G2E3: variants seen among roughly 807,000 people sequenced by gnomAD.
The protein encoded by G2E3 is G2/M phase-specific E3 ubiquitin-protein ligase.
G2E3 carries 35 observed loss-of-function variants against 92.8 expected under a neutral mutation model. The observed-to-expected ratio is 0.38, with a 90% confidence interval of 0.29 to 0.50. G2E3 has a LOEUF of 0.50. Among genes scored for constraint, G2E3 ranks in the 20% least tolerant of loss-of-function variants. The pLI is 0.94. For missense variants in G2E3, 554 were observed against 823.8 expected, an observed-to-expected ratio of 0.67 and a Z score of 4.01; for synonymous variants, 242 against 272.4, an observed-to-expected ratio of 0.89 and a Z score of 1.10.
intron 6 of G2E3, among the ~76,000 whole-genome samples, chr14:30,595,971 T>C (rs1290622400): frequency 1.3e-5 from 2 of 152,150 alleles, no homozygotes; most frequent in Admixed American, 6.5e-5. Flanking sequence ...ATGTGTCTTA[T>C]CCTGTTTTTT....
rs747068253 is a variant in G2E3 at position 30,616,563 on chromosome 14, T to C, written c.*29T>C. The C allele has an allele frequency of 3.3e-6, 5 of 1,509,524 alleles. No individual in the cohort carries two copies. The Admixed American group carries it at 8.5e-5, about 26-fold the overall frequency. 93.5% of individuals were successfully genotyped at this position (1,509,524 alleles called of 1,614,324 possible). ...GTTTCCTTGAACAAAGAGAAGCTTC[T>C]TTAAAAGCTGCTATTGATAACTCTC... On this transcript the variant is annotated 3_prime_UTR_variant, in exon 15 of 15. Coordinates refer to ENST00000206595, the MANE Select transcript of G2E3 (RefSeq NM_017769.5).
In G2E3 at chr14:30,619,149, A is replaced by G. The variant is rs891820459; in HGVS notation, c.*2615A>G. The G allele has an allele frequency of 3.9e-5, 6 of 152,118 alleles. No individual in the cohort carries two copies. The highest frequency in any genetic ancestry group is 7.2e-5 in the African/African-American group (3 of 41,464). The allele number at this position is 152,118 out of a possible 1,614,324, so 9.4% of individuals were successfully genotyped here. A position where few individuals can be genotyped will look rare whatever the true frequency, so the allele number is the denominator to read the frequency against. ...TATCTCACCAGAAACTTACAATTTTATACTTTGTAATTTTTAGTTTCTGTA... is the reference window on the plus strand; with the variant it reads ...TATCTCACCAGAAACTTACAATTTTGTACTTTGTAATTTTTAGTTTCTGTA... On this transcript the variant is annotated 3_prime_UTR_variant, in exon 15 of 15. Coordinates refer to ENST00000206595, the MANE Select transcript of G2E3 (RefSeq NM_017769.5).
intron 1 of G2E3, among the ~76,000 whole-genome samples, chr14:30,567,865 T>C (rs1397861726): frequency 1.3e-5 from 2 of 152,100 alleles, no homozygotes; most frequent in East Asian, 3.8e-4. Context: ...TTTCCTTTTA[T>C]TGATTTCTAG....
In G2E3 at chr14:30,602,021, A is replaced by T; in HGVS notation, c.900A>T (p.Lys300Asn). 5 of 1,611,584 alleles carry T rather than the reference A, an allele frequency of 3.1e-6. No homozygotes were observed. Among genetic ancestry groups the T allele is most frequent in the Non-Finnish European group, 2.5e-6 (3 of 1,178,648 alleles). ...TAGGAGAGTTCCAAAAAGCCAAAAA[A>T]CATGTATTACCCAATTCTAATAATG... ...YNSGEFQKAK[K>N]HVLPNSNNVG... The change falls in exon 10 of 15, where the codon AAA becomes AAT. Residue 300 changes from lysine (K) to asparagine (N), a missense_variant. Physicochemically the swap from Lys to Asn is moderately conservative, Grantham distance 94. This residue lies in a region of G2E3 where 397 missense variants were observed against 560.3 expected (regional missense o/e 0.71). Transcript: ENST00000206595.
chr14:30,612,899 T>C (rs1882158916), intron 13 of G2E3, among the ~76,000 whole-genome samples: 1 of 152,192 alleles, frequency 6.6e-6, no homozygotes, highest in Non-Finnish European at 1.5e-5. Context: ...GATGCTTTCA[T>C]AGAAATAACC....
intron 1 of G2E3, among the ~76,000 whole-genome samples, chr14:30,567,170 G>A (rs566518496): frequency 1.3e-5 from 2 of 152,160 alleles, no homozygotes; most frequent in African/African-American, 4.8e-5. Context: ...CTTTGGTATC[G>A]GGGTATTGGT....
At chr14:30,568,996 C>G (rs914214655) in intron 1 of G2E3, among the ~76,000 whole-genome samples, 1 of 152,128 alleles carries the variant, frequency 6.6e-6, no homozygotes, top group Non-Finnish European at 1.5e-5. Flanking sequence ...CCCAGGTCTA[C>G]CAGACCTTCT....
chr14:30,580,425 C>T (rs1332238027), intron 1 of G2E3, among the ~76,000 whole-genome samples: 6 of 152,108 alleles, frequency 3.9e-5, no homozygotes, highest in Non-Finnish European at 7.4e-5. Flanking sequence ...AGGCTGGTCT[C>T]GAACTCCTGA....
intron 1 of G2E3, among the ~76,000 whole-genome samples, chr14:30,563,806 G>A (rs1283622673): frequency 4.0e-5 from 6 of 150,628 alleles, no homozygotes; most frequent in Admixed American, 1.3e-4. Flanking sequence ...TGCAACCTCC[G>A]CCTTCCCGGT....
At chr14:30,614,202 T>C (rs1397605096) in intron 13 of G2E3, among the ~76,000 whole-genome samples, 2 of 152,126 alleles carry the variant, frequency 1.3e-5, no homozygotes, top group Non-Finnish European at 2.9e-5. Context: ...TGGTTTATTC[T>C]TTTATTATTT....
At chr14:30,579,898 T>C (rs181190131) in intron 1 of G2E3, among the ~76,000 whole-genome samples, 86 of 152,344 alleles carry the variant, frequency 5.6e-4, no homozygotes, top group Non-Finnish European at 8.4e-4. Context: ...CTCATTAACA[T>C]TTCTAGTAGG....
At chr14:30,613,613 T>C (rs1000097462) in intron 13 of G2E3, among the ~76,000 whole-genome samples, 5 of 152,126 alleles carry the variant, frequency 3.3e-5, no homozygotes, top group African/African-American at 1.2e-4. Context: ...TTCTTAGTTT[T>C]GGTGGGTTGG....
At chr14:30,596,497 C>T (rs1012324103) in intron 6 of G2E3, among the ~76,000 whole-genome samples, 5 of 152,078 alleles carry the variant, frequency 3.3e-5, no homozygotes, top group African/African-American at 4.8e-5. Context: ...TCTCTCTTGC[C>T]GGGGAAACTT....
chr14:30,584,967 G>T (rs1336651764), intron 2 of G2E3, among the ~76,000 whole-genome samples: 1 of 151,654 alleles, frequency 6.6e-6, no homozygotes, highest in Admixed American at 6.6e-5. Flanking sequence ...GAGTAGCTGG[G>T]ATTACAGGCA....
intron 13 of G2E3, among the ~76,000 whole-genome samples, chr14:30,614,088 A>G (rs1413064537): frequency 6.6e-6 from 1 of 152,184 alleles, no homozygotes; most frequent in African/African-American, 2.4e-5. Flanking sequence ...AGTCAAATGT[A>G]TAATAAGAAT....
intron 10 of G2E3, 27 bp downstream of exon 10, chr14:30,602,158 A>T (rs766972192): frequency 6.5e-7 from 1 of 1,548,412 alleles, no homozygotes; most frequent in South Asian, 1.2e-5. Context: ...GGAGAAATAC[A>T]TAAAAATCTA....
rs1179351654 is a variant in G2E3 at position 30,619,436 on chromosome 14, A to G, written c.*2902A>G. On this transcript the variant is annotated 3_prime_UTR_variant, in exon 15 of 15. Transcript: ENST00000206595. ...CAAAATCATTACATTATAAACATGT[A>G]ATTCTTTTATATAGTGATTATCATG... 1 of 152,138 alleles carries G rather than the reference A, an allele frequency of 6.6e-6. No homozygotes were observed. The highest frequency in any genetic ancestry group is 1.5e-5 in the Non-Finnish European group (1 of 67,972). 9.4% of individuals were successfully genotyped at this position (152,138 alleles called of 1,614,324 possible).
chr14:30,571,259 GT>G (rs1000111851), intron 1 of G2E3, among the ~76,000 whole-genome samples: 14 of 149,152 alleles, frequency 9.4e-5, no homozygotes, highest in Non-Finnish European at 2.1e-4. Context: ...GCTATGTTGT[GT>G]TTTTTTTAAA....
In G2E3 at chr14:30,593,516, TA is replaced by T; in HGVS notation, c.407del (p.Asn136IlefsTer45). 6.4e-7 allele frequency: 1 copy of T among 1,551,036 alleles called. No homozygotes were observed. The highest frequency in any genetic ancestry group is 8.9e-7 in the Non-Finnish European group (1 of 1,126,038). On this transcript the variant is annotated frameshift_variant, in exon 6 of 15. Coordinates refer to ENST00000206595, the MANE Select transcript of G2E3 (RefSeq NM_017769.5). LOFTEE classifies it high-confidence loss of function. Reference protein sequence around the residue: ...DHRPVQIITSNNYRESLPCTI... With the variant: ...DHRPVQIITSXNYRESLPCTI... ...ATCGACCTGTTCAAATAATTACATC[TA>T]ATAATTATAGAGAGTCCTTACCATG...
Sources: allele counts gnomAD v4.1 joint callset (sites outside exome capture counted in the v4.1 genomes callset), GRCh38; gene constraint gnomAD v4.1.1; regional missense constraint gnomAD v4.1.1; transcripts MANE v1.5; gene names NCBI Gene and HGNC (gene_info 2026-07-23, HGNC 2026-07-21).